BMPR2: variants seen among roughly 807,000 people sequenced by gnomAD.
The protein encoded by BMPR2 is bone morphogenetic protein receptor type-2.
Under a neutral mutation model 100.8 loss-of-function variants are expected in BMPR2, and 29 were observed. The observed-to-expected ratio is 0.29, with a 90% CI of 0.21 to 0.39. The LOEUF is 0.39. BMPR2 is among the 10% of genes least tolerant of loss of function. The pLI is 1.00. For synonymous variants in BMPR2, 382 were observed against 442.3 expected, an observed-to-expected ratio of 0.86 and a Z score of 1.71; for missense variants, 1,011 against 1,274.5, an observed-to-expected ratio of 0.79 and a Z score of 3.15.
In BMPR2 at chr2:202,555,904, A is replaced by G. The variant is rs1252105153; in HGVS notation, c.2239A>G (p.Lys747Glu). 1 of 1,614,132 alleles carries G rather than the reference A, an allele frequency of 6.2e-7. No homozygotes were observed. Among genetic ancestry groups the G allele is most frequent in the Non-Finnish European group, 8.5e-7 (1 of 1,180,030 alleles). Residue 747 changes from lysine to glutamate, a missense_variant, in exon 12 of 13, where the codon AAG (lysine) becomes GAG (glutamate). Lys to Glu is a moderately conservative substitution (Grantham distance 56). This residue lies in a region of BMPR2 where 508 missense variants were observed against 552.0 expected (regional missense o/e 0.92). Transcript: ENST00000374580. ...GCCTACTCAGATCTATCCTCTCCCCAAGCAGCAGAACCTTCCCAAGAGACC... is the reference window on the plus strand; with the variant it reads ...GCCTACTCAGATCTATCCTCTCCCCGAGCAGCAGAACCTTCCCAAGAGACC... ...VLPTQIYPLP[K>E]QQNLPKRPTS...
intron 3 of BMPR2, among the ~76,000 whole-genome samples, chr2:202,508,176 T>C (rs529112464): frequency 6.6e-6 from 1 of 151,536 alleles, no homozygotes; most frequent in Admixed American, 6.6e-5. Context: ...TACTGCAACC[T>C]TCGCCTCCTA....
intron 1 of BMPR2, among the ~76,000 whole-genome samples, chr2:202,429,054 C>A (rs920406044): frequency 1.3e-5 from 2 of 152,122 alleles, no homozygotes; most frequent in East Asian, 3.9e-4. Flanking sequence ...TCCATTTGGC[C>A]CCATAAATAT....
chr2:202,554,708 C>A (rs1688532790), intron 11 of BMPR2, among the ~76,000 whole-genome samples: 1 of 152,214 alleles, frequency 6.6e-6, no homozygotes, highest in African/African-American at 2.4e-5. Context: ...ATGACTCAGA[C>A]TACCCCAGAA....
Position 202,556,458 on chromosome 2 carries a change from G to T in BMPR2, c.2793G>T (p.Lys931Asn). 6.2e-7 allele frequency: 1 copy of T among 1,614,184 alleles called. No homozygotes were observed. ...PSTAADPGPS[K>N]PRRAQRPNSL... ...CAGCAGCAGATCCTGGGCCATCAAA[G>T]CCCAGAAGAGCACAGAGGCCTAATT... The change falls in exon 12 of 13, where the codon AAG becomes AAT. Residue 931 changes from lysine to asparagine, a missense_variant. Lys to Asn is a moderately conservative substitution (Grantham distance 94, BLOSUM62 0). Coordinates refer to ENST00000374580, the MANE Select transcript of BMPR2 (RefSeq NM_001204.7).
At position 202,377,025 on chromosome 2, in the gene BMPR2, C is replaced by G. The variant is rs1208806153; in HGVS notation, c.-450C>G. On this transcript the variant is annotated 5_prime_UTR_variant, in exon 1 of 13. Transcript: ENST00000374580. ...CTGCCGGGCGCCGCCGCCGCCCGTC[C>G]GGCTTCGTCCTTCCCGGCAGTCGGG... is the stretch of plus-strand genomic sequence containing the variant. The G allele has an allele frequency of 8.7e-6, 4 of 461,958 alleles. No individual in the cohort carries two copies. Among genetic ancestry groups the G allele is most frequent in the Non-Finnish European group, 1.1e-5 (3 of 264,234 alleles). 28.6% of individuals were successfully genotyped at this position (461,958 alleles called of 1,614,324 possible).
At chr2:202,523,189 C>T (rs557539470) in intron 7 of BMPR2, among the ~76,000 whole-genome samples, 1 of 152,190 alleles carries the variant, frequency 6.6e-6, no homozygotes, top group African/African-American at 2.4e-5. Context: ...GATATACTAT[C>T]TTACAACAGT....
intron 3 of BMPR2, among the ~76,000 whole-genome samples, chr2:202,508,070 C>CTATTAT (rs4032712): frequency 6.9e-4 from 97 of 139,766 alleles, no homozygotes; most frequent in Middle Eastern, 3.6e-3. Context: ...TCATTTGAGG[C>CTATTAT]TATTATTATT....
chr2:202,519,570 T>G (rs1687784509), intron 6 of BMPR2, among the ~76,000 whole-genome samples: 1 of 152,134 alleles, frequency 6.6e-6, no homozygotes, highest in Non-Finnish European at 1.5e-5. Context: ...TTCTCTTCTT[T>G]ATTTAATTTT....
intron 3 of BMPR2, among the ~76,000 whole-genome samples, chr2:202,493,916 A>G (rs1692965434): frequency 6.6e-6 from 1 of 152,134 alleles, no homozygotes; most frequent in Non-Finnish European, 1.5e-5. Context: ...CTTCCAAGCT[A>G]GATCTATTCA....
intron 9 of BMPR2, among the ~76,000 whole-genome samples, chr2:202,540,447 A>T (rs1688250302): frequency 6.6e-6 from 1 of 152,204 alleles, no homozygotes; most frequent in African/African-American, 2.4e-5. Context: ...TGTTGATGTT[A>T]TTGATCAACA....
chr2:202,514,571 C>T (rs1470923501), intron 4 of BMPR2, among the ~76,000 whole-genome samples: 2 of 152,122 alleles, frequency 1.3e-5, no homozygotes, highest in Admixed American at 6.5e-5. Context: ...AGGAAATCAG[C>T]GTTCATTGAT....
At chr2:202,393,353 C>A (rs1272521842) in intron 1 of BMPR2, among the ~76,000 whole-genome samples, 1 of 152,144 alleles carries the variant, frequency 6.6e-6, no homozygotes, top group Non-Finnish European at 1.5e-5. Context: ...CCCAAACTGC[C>A]CCAGCTTGGT....
In BMPR2 at chr2:202,563,209, G is replaced by A. The variant is rs1356545793; in HGVS notation, c.*3263G>A. ...CGCACTTTGGGAGGCCGAGCCGGGT[G>A]GATCATGAGGTCAGACGTTCAACAC... On this transcript the variant is annotated 3_prime_UTR_variant, in exon 13 of 13. Coordinates refer to ENST00000374580, the MANE Select transcript of BMPR2 (RefSeq NM_001204.7). The A allele has an allele frequency of 6.6e-6, 1 of 152,192 alleles. No individual in the cohort carries two copies. The highest frequency in any genetic ancestry group is 2.4e-5 in the African/African-American group (1 of 41,424). 9.4% of individuals were successfully genotyped at this position (152,192 alleles called of 1,614,324 possible). A position where few individuals can be genotyped will look rare whatever the true frequency, so the allele number is the denominator to read the frequency against.
intron 1 of BMPR2, among the ~76,000 whole-genome samples, chr2:202,409,405 A>C (rs1690966839): frequency 6.6e-6 from 1 of 152,070 alleles, no homozygotes; most frequent in Admixed American, 6.6e-5. Flanking sequence ...CAAAACCAAA[A>C]ACCCCACAGG....
At chr2:202,482,172 G>C (rs1004454050) in intron 3 of BMPR2, among the ~76,000 whole-genome samples, 1 of 152,122 alleles carries the variant, frequency 6.6e-6, no homozygotes, top group African/African-American at 2.4e-5. Flanking sequence ...TTTGAAGGCT[G>C]AATAATATTC....
chr2:202,394,675 T>C (rs1256036100), intron 1 of BMPR2, among the ~76,000 whole-genome samples: 1 of 152,104 alleles, frequency 6.6e-6, no homozygotes, highest in Non-Finnish European at 1.5e-5. Flanking sequence ...ATTCATCGAG[T>C]ACCTCCTTGT....
intron 3 of BMPR2, among the ~76,000 whole-genome samples, chr2:202,513,510 C>T (rs1443477756): frequency 6.6e-6 from 1 of 151,944 alleles, no homozygotes; most frequent in Non-Finnish European, 1.5e-5. Flanking sequence ...TTTTAGTGTT[C>T]CAAATCTATA....
Position 202,553,855 on chromosome 2 carries a change from A to G in BMPR2, c.1586+967A>G, listed in dbSNP as rs13417785. Among the ~76,000 whole-genome samples, 1,026 of 152,124 alleles carry G rather than the reference A, an allele frequency of 6.7e-3. 17 individuals are homozygous for G. Among genetic ancestry groups the G allele is most frequent in the African/African-American group, 0.023 (961 of 41,500 alleles). On this transcript the variant is annotated intron_variant, in intron 11 of 12. Transcript: ENST00000374580. ...AGTCACGAGCCACCACGCCCAGCTAATTTTGTATATTTATTAGAGACAGGG... is the reference window on the plus strand; with the variant it reads ...AGTCACGAGCCACCACGCCCAGCTAGTTTTGTATATTTATTAGAGACAGGG...
At chr2:202,384,568 CTT>C (rs58554562) in intron 1 of BMPR2, among the ~76,000 whole-genome samples, 9 of 11,324 alleles carry the variant, frequency 7.9e-4, no homozygotes, top group Non-Finnish European at 1.3e-3. Context: ...TTCTTTCTTT[CTT>C]TTTCTTTCTT....
Sources: allele counts gnomAD v4.1 joint callset (sites outside exome capture counted in the v4.1 genomes callset), GRCh38; gene constraint gnomAD v4.1.1; regional missense constraint gnomAD v4.1.1; transcripts MANE v1.5; gene names NCBI Gene and HGNC (gene_info 2026-07-23, HGNC 2026-07-21).